KCNIP1: variants seen among roughly 807,000 people sequenced by gnomAD.
The protein encoded by KCNIP1 is A-type potassium channel modulatory protein KCNIP1.
Under a neutral mutation model 33.0 loss-of-function variants are expected in KCNIP1, and 18 were observed. The ratio of observed to expected loss-of-function variants is 0.55; its 90% CI spans 0.38 to 0.81. The LOEUF (loss-of-function observed/expected upper bound fraction) is 0.81. Ranked by LOEUF, KCNIP1 falls within the 30% of genes least tolerant of loss-of-function variation. KCNIP1 has a pLI of 0.00. For synonymous variants in KCNIP1, 93 were observed against 98.3 expected, an observed-to-expected ratio of 0.95 and a Z score of 0.32; for missense variants, 238 against 271.6, an observed-to-expected ratio of 0.88 and a Z score of 0.87.
chr5:170,667,296 G>A (rs1057427252), intron 1 of KCNIP1, among the ~76,000 whole-genome samples: 2 of 144,914 alleles, frequency 1.4e-5, no homozygotes, highest in African/African-American at 2.6e-5. Flanking sequence ...TGAGCAACAA[G>A]AGTGAAACTC....
intron 1 of KCNIP1, among the ~76,000 whole-genome samples, chr5:170,658,455 T>A (rs753874550): frequency 1.8e-4 from 28 of 152,254 alleles, no homozygotes; most frequent in Non-Finnish European, 3.4e-4. Flanking sequence ...TTAAAGGTCC[T>A]ACCTCGCAAT....
intron 1 of KCNIP1, among the ~76,000 whole-genome samples, chr5:170,647,489 T>A (rs1326002179): frequency 6.6e-6 from 1 of 151,880 alleles, no homozygotes; most frequent in Non-Finnish European, 1.5e-5. Context: ...AGTTGACTGA[T>A]CTTTGACAAA....
intron 1 of KCNIP1, among the ~76,000 whole-genome samples, chr5:170,594,310 G>A (rs997496439): frequency 1.1e-4 from 17 of 152,144 alleles, no homozygotes; most frequent in South Asian, 2.1e-4. Flanking sequence ...CAGTGTGTTG[G>A]ACACCTCAGG....
rs74320900 is a variant in KCNIP1 at position 170,670,268 on chromosome 5, G to A, written c.62-48490G>A. 4.2e-3 allele frequency among the ~76,000 whole-genome samples: 644 copies of A among 152,314 alleles called. 12 individuals are homozygous for A. The East Asian group carries it at 0.07, about 17-fold the overall frequency. On this transcript the variant is annotated intron_variant, in intron 1 of 7. Coordinates refer to ENST00000328939, the MANE Select transcript of KCNIP1 (RefSeq NM_014592.4). Reference sequence around the variant, plus strand: ...AGATGGATGGATGGACAGATGGACGGAGAGAGAGATGGATGAATGGATTGT... The same window carrying A: ...AGATGGATGGATGGACAGATGGACGAAGAGAGAGATGGATGAATGGATTGT...
intron 1 of KCNIP1, among the ~76,000 whole-genome samples, chr5:170,580,360 C>G (rs1309161604): frequency 2.6e-5 from 4 of 152,180 alleles, no homozygotes; most frequent in African/African-American, 4.8e-5. Context: ...GTACCCTGTA[C>G]ATGTCTTAGC....
chr5:170,586,004 A>T (rs749390206), intron 1 of KCNIP1, among the ~76,000 whole-genome samples: 2 of 152,138 alleles, frequency 1.3e-5, no homozygotes, highest in Non-Finnish European at 2.9e-5. Flanking sequence ...GGTTAGATGT[A>T]TCTGCTTCCA....
intron 1 of KCNIP1, among the ~76,000 whole-genome samples, chr5:170,463,755 G>A (rs976149686): frequency 5.3e-5 from 8 of 152,002 alleles, no homozygotes; most frequent in South Asian, 2.1e-4. Flanking sequence ...TCTAAGATCA[G>A]GAAAAATACA....
At chr5:170,578,518 G>C (rs1023048163) in intron 1 of KCNIP1, among the ~76,000 whole-genome samples, 2 of 152,062 alleles carry the variant, frequency 1.3e-5, no homozygotes, top group East Asian at 3.9e-4. Context: ...GAGATGGAAG[G>C]GACTCTCAAA....
chr5:170,566,380 A>G (rs1177387821), intron 1 of KCNIP1, among the ~76,000 whole-genome samples: 1 of 152,226 alleles, frequency 6.6e-6, no homozygotes, highest in Non-Finnish European at 1.5e-5. Flanking sequence ...GGCGTTAGCC[A>G]CCGCGCCCGG....
At chr5:170,401,601 A>T (rs1013838157) in intron 1 of KCNIP1, among the ~76,000 whole-genome samples, 3 of 152,040 alleles carry the variant, frequency 2.0e-5, no homozygotes, top group African/African-American at 7.2e-5. Context: ...CCATCTCTAC[A>T]ATTTCTTTTA....
At chr5:170,715,578 C>T (rs1297313247) in intron 1 of KCNIP1, among the ~76,000 whole-genome samples, 4 of 152,206 alleles carry the variant, frequency 2.6e-5, no homozygotes, top group Non-Finnish European at 5.9e-5. Flanking sequence ...GTGTGAGGCA[C>T]TCACAGTTAG....
At chr5:170,618,717 C>A (rs1759495684) in intron 1 of KCNIP1, among the ~76,000 whole-genome samples, 1 of 152,172 alleles carries the variant, frequency 6.6e-6, no homozygotes, top group Admixed American at 6.5e-5. Flanking sequence ...GGCCAAGCCT[C>A]AGTTTCCTAG....
At chr5:170,377,820 C>G (rs1764070331) in intron 1 of KCNIP1, 1 of 152,256 alleles carries the variant, frequency 6.6e-6, no homozygotes, top group South Asian at 2.1e-4. Flanking sequence ...GATCCACCAG[C>G]CTCGGCCTCC....
At chr5:170,364,307 A>T (rs1763596787) in intron 1 of KCNIP1, among the ~76,000 whole-genome samples, 1 of 152,148 alleles carries the variant, frequency 6.6e-6, no homozygotes, top group African/African-American at 2.4e-5. Flanking sequence ...GCCCTCACTT[A>T]GTGTTATGTC....
At chr5:170,650,768 C>G (rs751534905) in intron 1 of KCNIP1, among the ~76,000 whole-genome samples, 10 of 152,104 alleles carry the variant, frequency 6.6e-5, no homozygotes, top group Non-Finnish European at 1.5e-4. Context: ...GTAGATGTAG[C>G]ATTTTATACC....
exon 1 of KCNIP1, chr5:170,353,536 G>C (rs1044847591): frequency 2.0e-5 from 8 of 390,348 alleles, no homozygotes; most frequent in Admixed American, 4.0e-5. Flanking sequence ...CTCCCTCCCT[G>C]CTCTGCTCAA....
At chr5:170,376,621 A>G (rs1165972748) in intron 1 of KCNIP1, 5 of 152,120 alleles carry the variant, frequency 3.3e-5, no homozygotes, top group Non-Finnish European at 7.4e-5. Context: ...TACAGTATTT[A>G]GTTTTGTGTC....
exon 1 of KCNIP1, chr5:170,353,798 C>A (rs1763273308): frequency 1.5e-6 from 2 of 1,332,810 alleles, no homozygotes; most frequent in African/African-American, 1.4e-5. Context: ...CCCAGGCAGG[C>A]TCCAAGTTCC....
intron 1 of KCNIP1, among the ~76,000 whole-genome samples, chr5:170,559,025 A>G (rs1289480681): frequency 1.3e-5 from 2 of 152,152 alleles, no homozygotes; most frequent in African/African-American, 4.8e-5. Flanking sequence ...CATCTCAAGT[A>G]TTTCTTAGTC....
Sources: gnomAD v4.1 joint callset for allele counts (sites outside exome capture counted in the v4.1 genomes callset) on GRCh38, gnomAD v4.1.1 for gene constraint, MANE v1.5 for transcripts, NCBI Gene and HGNC (gene_info 2026-07-23, HGNC 2026-07-21) for gene names.